Variants in CYLD observed in about 807,000 individuals in gnomAD.
CYLD encodes the protein CYLD lysine 63 deubiquitinase.
Under a neutral mutation model 104.5 loss-of-function variants are expected in CYLD, and 26 were observed. The observed-to-expected ratio is 0.25, with a 90% CI of 0.18 to 0.35. The LOEUF is 0.35. Ranked by LOEUF, CYLD falls within the 10% of genes least tolerant of loss-of-function variation. The pLI is 1.00. For synonymous variants in CYLD, 385 were observed against 399.9 expected (o/e 0.96, Z 0.45); for missense variants, 703 against 1,136.1 (o/e 0.62, Z 5.48).
intron 10 of CYLD, among the ~76,000 whole-genome samples, chr16:50,781,712 T>A (rs1970230175): frequency 6.6e-6 from 1 of 152,144 alleles, no homozygotes; most frequent in African/African-American, 2.4e-5. Context: ...GAAATTGAAA[T>A]GTAACCTTCT....
chr16:50,776,108 T>C (rs929142523), intron 6 of CYLD, 71 bp from the exon 7 acceptor site: 10 of 1,114,166 alleles, frequency 9.0e-6, no homozygotes, highest in Middle Eastern at 2.0e-4. Context: ...TTTTATTTTG[T>C]TACTGTCATT....
intron 11 of CYLD, 60 bp downstream of exon 11, chr16:50,782,526 G>GTT (rs72210875): frequency 1.9e-6 from 2 of 1,054,498 alleles, no homozygotes; most frequent in African/African-American, 3.4e-5. Flanking sequence ...ACACATACCG[G>GTT]TGTGTGTGTG....
At chr16:50,772,364 A>C (rs1178201587) in intron 5 of CYLD, among the ~76,000 whole-genome samples, 1 of 152,128 alleles carries the variant, frequency 6.6e-6, no homozygotes, top group Non-Finnish European at 1.5e-5. Flanking sequence ...AAGTCTTCTT[A>C]TATTTGTTTT....
chr16:50,756,847 C>G (rs1407195482), intron 5 of CYLD, among the ~76,000 whole-genome samples: 1 of 152,092 alleles, frequency 6.6e-6, no homozygotes, highest in African/African-American at 2.4e-5. Context: ...CAACAATTAC[C>G]AAAATCAAAG....
intron 9 of CYLD, among the ~76,000 whole-genome samples, chr16:50,780,797 G>A (rs1449347492): frequency 6.6e-6 from 1 of 151,968 alleles, no homozygotes; most frequent in African/African-American, 2.4e-5. Context: ...AGGATTATGG[G>A]CATGAGCCAC....
rs2151054376 is a variant in CYLD, at chr16:50,799,443, A to C, written c.*2935A>C. 1 of 233,800 alleles carries C rather than the reference A, an allele frequency of 4.3e-6. No homozygotes were observed. The highest frequency in any genetic ancestry group is 1.8e-4 in the South Asian group (1 of 5,512). 14.5% of individuals were successfully genotyped at this position (233,800 alleles called of 1,614,324 possible). A position where few individuals can be genotyped will look rare whatever the true frequency, so the allele number is the denominator to read the frequency against. ...CTCCATCCACAGAAGAATGTTTTAT[A>C]AGACTAGGAAAACACGTTGAAAACT... is the stretch of plus-strand genomic sequence containing the variant. On this transcript the variant is annotated 3_prime_UTR_variant, in exon 19 of 19. Transcript: ENST00000427738.
At chr16:50,793,768 A>G (rs1971672519) in intron 17 of CYLD, 104 bp downstream of exon 17, 2 of 835,210 alleles carry the variant, frequency 2.4e-6, no homozygotes, top group Non-Finnish European at 4.1e-6. Context: ...ATCATAATTA[A>G]CGGTTAAAAA....
At chr16:50,777,668 A>G (rs1287946113) in intron 7 of CYLD, among the ~76,000 whole-genome samples, 157 bp from the exon 8 acceptor site, 3 of 152,144 alleles carry the variant, frequency 2.0e-5, no homozygotes, top group Admixed American at 1.3e-4. Flanking sequence ...AAATTTTTAA[A>G]AGCTGAAGAC....
Position 50,780,042 on chromosome 16 carries a change from C to A in CYLD, c.1516C>A (p.Leu506Met). The A allele has an allele frequency of 1.2e-6, 2 of 1,614,018 alleles. No homozygotes were observed. Among genetic ancestry groups the A allele is most frequent in the Non-Finnish European group, 1.7e-6 (2 of 1,179,968 alleles). Residue 506 changes from leucine (L) to methionine (M), a missense_variant and splice_region_variant, in exon 9 of 19, where the codon CTG becomes ATG. By Grantham distance (15) the Leu-to-Met change is conservative. This residue lies in a region of CYLD where 125 missense variants were observed against 325.4 expected (regional missense o/e 0.38). Transcript: ENST00000427738. ...GLNEVLAGLE[L>M]EDECAGCTDG... is the part of the protein sequence containing the mutation. ...GAATGAAGTGCTCGCTGGACTGGAA[C>A]TGGTAATTTAACTTGACCCAAAAAT...
intron 5 of CYLD, among the ~76,000 whole-genome samples, chr16:50,764,159 T>C (rs1309142399): frequency 6.6e-6 from 1 of 152,176 alleles, no homozygotes. Context: ...CCTATACTTT[T>C]TCCCTTTTAG....
rs1972376829 is a variant in CYLD, at chr16:50,800,397, T to C, written c.*3889T>C. ...ACGTTACTGTATTATTCTACGTAAATGTGGGTACTTGGATGTTTATCATAC... is the reference window on the plus strand; with the variant it reads ...ACGTTACTGTATTATTCTACGTAAACGTGGGTACTTGGATGTTTATCATAC... On this transcript the variant is annotated 3_prime_UTR_variant, in exon 19 of 19. Transcript: ENST00000427738. The C allele has an allele frequency of 3.0e-5, 7 of 233,248 alleles. No homozygotes were observed. In the Admixed American group the frequency reaches 3.9e-4, roughly 13 times the overall value. 14.4% of individuals were successfully genotyped at this position (233,248 alleles called of 1,614,324 possible).
In CYLD at chr16:50,779,832, A is replaced by G; in HGVS notation, c.1306A>G (p.Ser436Gly). The G allele has an allele frequency of 6.2e-7, 1 of 1,613,812 alleles. No homozygotes were observed. The highest frequency in any genetic ancestry group is 8.5e-7 in the Non-Finnish European group (1 of 1,179,980). ...CAATACCAATGGAAGTATTGGCCAC[A>G]GTCCACTTTCTCTGTCAGCCCAGTC... ...MPNTNGSIGH[S>G]PLSLSAQSVM... The change falls in exon 9 of 19, where the codon AGT becomes GGT. Residue 436 changes from serine to glycine, a missense_variant. Coordinates refer to ENST00000427738, the MANE Select transcript of CYLD (RefSeq NM_001378743.1).
At chr16:50,793,426 C>A (rs752242693) in intron 16 of CYLD, 120 bp from the exon 17 acceptor site, 15 of 797,118 alleles carry the variant, frequency 1.9e-5, no homozygotes, top group Non-Finnish European at 3.2e-5. Flanking sequence ...GAGAAAGAGA[C>A]TTTTTTGAAG....
intron 4 of CYLD, 68 bp from the exon 5 acceptor site, chr16:50,754,251 G>T: frequency 9.5e-7 from 1 of 1,049,028 alleles, no homozygotes; most frequent in South Asian, 1.3e-5. Context: ...GATTCTTTAT[G>T]GAAAATACAG....
chr16:50,765,993 A>C (rs1968471676), intron 5 of CYLD, among the ~76,000 whole-genome samples: 1 of 152,260 alleles, frequency 6.6e-6, no homozygotes. Context: ...AAACTGCTGC[A>C]AGTTATCAGA....
At chr16:50,772,861 G>A (rs1217293212) in intron 5 of CYLD, among the ~76,000 whole-genome samples, 2 of 152,214 alleles carry the variant, frequency 1.3e-5, no homozygotes, top group Non-Finnish European at 2.9e-5. Context: ...GAGCCCTGAA[G>A]AAGGATAATT....
At chr16:50,772,023 T>C (rs1969210308) in intron 5 of CYLD, among the ~76,000 whole-genome samples, 1 of 152,220 alleles carries the variant, frequency 6.6e-6, no homozygotes, top group Non-Finnish European at 1.5e-5. Flanking sequence ...CAAAATTATT[T>C]TAGTTATTCT....
At position 50,793,624 on chromosome 16, in the gene CYLD, C is replaced by G. The variant is rs1335385061; in HGVS notation, c.2429C>G (p.Ala810Gly). The G allele has an allele frequency of 6.2e-7, 1 of 1,613,922 alleles. No individual in the cohort carries two copies. Among genetic ancestry groups the G allele is most frequent in the East Asian group, 2.2e-5 (1 of 44,882 alleles). ...TGCTACGACGATCCGGACATCTCAG[C>G]TGGAAAAATCAAGCAGTTTTGTAAA... ...RECYDDPDIS[A>G]GKIKQFCKTC... The change falls in exon 17 of 19, where the codon GCT (alanine) becomes GGT (glycine). Residue 810 changes from alanine (A) to glycine (G), a missense_variant. This residue lies in a region of CYLD where 130 missense variants were observed against 220.2 expected (regional missense o/e 0.59). Coordinates refer to ENST00000427738, the MANE Select transcript of CYLD (RefSeq NM_001378743.1).
At chr16:50,796,210 TA>T in intron 18 of CYLD, 113 bp from the exon 19 acceptor site, 1 of 983,540 alleles carries the variant, frequency 1.0e-6, no homozygotes, top group South Asian at 1.5e-5. Flanking sequence ...AGAAGTAAAA[TA>T]AAGGCTTTTA....
Sources: allele counts gnomAD v4.1 joint callset (sites outside exome capture counted in the v4.1 genomes callset), GRCh38; gene constraint gnomAD v4.1.1; regional missense constraint gnomAD v4.1.1; transcripts MANE v1.5; gene names NCBI Gene and HGNC (gene_info 2026-07-23, HGNC 2026-07-21).